The following IRF3 variants were observed in gnomAD, a reference collection of about 807,000 sequenced individuals.
IRF3 encodes interferon regulatory factor 3.
Under a neutral mutation model 43.2 loss-of-function variants are expected in IRF3, and 29 were observed. That is an observed-to-expected ratio of 0.67 (90% CI 0.50 to 0.91). IRF3 has a LOEUF of 0.91. Ranked by LOEUF, IRF3 falls within the 40% of genes least tolerant of loss-of-function variation. The pLI is 0.00. For synonymous variants in IRF3, 228 were observed against 233.9 expected, an observed-to-expected ratio of 0.97 and a Z score of 0.23; for missense variants, 505 against 559.1, an observed-to-expected ratio of 0.90 and a Z score of 0.98.
chr19:49,662,120 C>T lies in IRF3; in HGVS notation c.810G>A (p.Gly270=). Residue 270 remains glycine, a synonymous_variant, in exon 6 of 8, where the codon GGG becomes GGA. Transcript: ENST00000377139. The part of the protein sequence containing the change: ...YVRHVLSCLG[G]GLALWRAGQW... ...GCCCGGCCCGCCAGAGAGCCAGTCC[C>T]CCACCCAGGCAGCTCAGCACATGCC... 6.2e-7 allele frequency: 1 copy of T among 1,613,852 alleles called. No homozygotes were observed. Among genetic ancestry groups the T allele is most frequent in the South Asian group, 1.1e-5 (1 of 91,084 alleles).
rs973508874 is a variant in IRF3, at chr19:49,660,721, T to C, written c.1090A>G (p.Met364Val). The C allele has an allele frequency of 1.3e-6, 2 of 1,599,810 alleles. No individual in the cohort carries two copies. Among genetic ancestry groups the C allele is most frequent in the Non-Finnish European group, 1.7e-6 (2 of 1,173,722 alleles). ...CTCAGGTCTGCAGGCACCTTGACCA[T>C]CACGAGCCTCTTGGTCCACGGCTGG... ...QDQPWTKRLV[M>V]VKVVPTCLRA... The change falls in exon 7 of 8, where the codon ATG (methionine) becomes GTG (valine). Residue 364 changes from methionine (M) to valine (V), a missense_variant. Coordinates refer to ENST00000377139, the MANE Select transcript of IRF3 (RefSeq NM_001571.6).
At position 49,660,008 on chromosome 19, in the gene IRF3, C is replaced by T. The variant is rs886438760; in HGVS notation, c.1099-175G>A. Among the ~76,000 whole-genome samples the T allele has an allele frequency of 2.9e-4, 35 of 121,756 alleles. No individual in the cohort carries two copies. The East Asian group carries it at 6.5e-3, about 23-fold the overall frequency. The allele number at this position is 121,756 out of a possible 152,430, so 79.9% of individuals were successfully genotyped here. A position where few individuals can be genotyped will look rare whatever the true frequency, so the allele number is the denominator to read the frequency against. ...TTACACACACACACACACACACACA[C>T]ACACACACACACACACACACCCCCT... On this transcript the variant is annotated intron_variant, in intron 7 of 7. Transcript: ENST00000377139.
chr19:49,660,028 C>CACACACA lies in IRF3; in HGVS notation c.1099-196_1099-195insTGTGTGT, dbSNP rs1555753000. ...ACACACACACACACACACACACACA[C>CACACACA]CCCCTGCTGTAACTGAACCATAGGC... On this transcript the variant is annotated intron_variant, in intron 7 of 7. Coordinates refer to ENST00000377139, the MANE Select transcript of IRF3 (RefSeq NM_001571.6). 4.2e-3 allele frequency among the ~76,000 whole-genome samples: 456 copies of CACACACA among 109,842 alleles called. 27 individuals carry two copies. The highest frequency in any genetic ancestry group is 0.013 in the Middle Eastern group (3 of 232). The allele number at this position is 109,842 out of a possible 152,430, so 72.1% of individuals were successfully genotyped here.
rs746745231 is a variant in IRF3 at position 49,662,117 on chromosome 19, TC to T, written c.812del (p.Gly271AspfsTer25). 6.2e-7 allele frequency: 1 copy of T among 1,613,682 alleles called. No homozygotes were observed. Among genetic ancestry groups the T allele is most frequent in the Non-Finnish European group, 8.5e-7 (1 of 1,179,746 alleles). On this transcript the variant is annotated frameshift_variant, in exon 6 of 8. Coordinates refer to ENST00000377139, the MANE Select transcript of IRF3 (RefSeq NM_001571.6). LOFTEE classifies it high-confidence loss of function. ...VRHVLSCLGG[G>X]LALWRAGQWL... ...ACTGCCCGGCCCGCCAGAGAGCCAG[TC>T]CCCCACCCAGGCAGCTCAGCACATG...
At position 49,663,312 on chromosome 19, in the gene IRF3, A is replaced by G. The variant is rs200534563; in HGVS notation, c.337+31T>C. 73 of 1,614,126 alleles carry G rather than the reference A, an allele frequency of 4.5e-5. No individual in the cohort carries two copies. The African/African-American group carries it at 8.7e-4, about 19-fold the overall frequency. ...GAGTGCCAGGAACCCTTGGGGCCCC[A>G]GCCTCCCACACGAACCCCAAGCTGG... is the stretch of plus-strand genomic sequence containing the variant. On this transcript the variant is annotated intron_variant, in intron 3 of 7. Transcript: ENST00000377139.
chr19:49,664,525 C>T, intron 2 of IRF3, 149 bp downstream of exon 2: 15 of 1,589,112 alleles, frequency 9.4e-6, no homozygotes, highest in Non-Finnish European at 1.3e-5. Context: ...CCGGCTAGCC[C>T]CGCCCCTCCC....
At chr19:49,665,166 T>C (rs1040396155) in intron 1 of IRF3, 1 of 310,578 alleles carries the variant, frequency 3.2e-6, no homozygotes, top group Non-Finnish European at 6.1e-6. Flanking sequence ...ACTTTCAGGG[T>C]AGCATCCTCT....
At chr19:49,662,881 G>T (rs1004574210) in intron 4 of IRF3, among the ~76,000 whole-genome samples, 1 of 152,226 alleles carries the variant, frequency 6.6e-6, no homozygotes, top group Non-Finnish European at 1.5e-5. Flanking sequence ...TTTCAGAGGG[G>T]ATGCTCCCCC....
chr19:49,662,686 G>A (rs2081393288), intron 4 of IRF3, 69 bp from the exon 5 acceptor site: 1 of 1,296,104 alleles, frequency 7.7e-7, no homozygotes, highest in African/African-American at 1.5e-5. Flanking sequence ...TATGGACCAG[G>A]TCTGTTCTCA....
At position 49,662,584 on chromosome 19, in the gene IRF3, C is replaced by T; in HGVS notation, c.442G>A (p.Val148Met). 1.3e-6 allele frequency: 2 copies of T among 1,528,788 alleles called. No homozygotes were observed. The highest frequency in any genetic ancestry group is 1.8e-6 in the Non-Finnish European group (2 of 1,141,832). 94.7% of individuals were successfully genotyped at this position (1,528,788 alleles called of 1,614,324 possible). A position where few individuals can be genotyped will look rare whatever the true frequency, so the allele number is the denominator to read the frequency against. ...DILDELLGNM[V>M]LAPLPDPGPP... ...CCCGGATCTGGGAGTGGGGCCAACACCATGTTACCCAGTAACTCATCCAGA... is the reference window on the plus strand; with the variant it reads ...CCCGGATCTGGGAGTGGGGCCAACATCATGTTACCCAGTAACTCATCCAGA... The change falls in exon 5 of 8, where the codon GTG becomes ATG. Residue 148 changes from valine to methionine, a missense_variant. Physicochemically the swap from Val to Met is conservative, Grantham distance 21 (BLOSUM62 1). Coordinates refer to ENST00000377139, the MANE Select transcript of IRF3 (RefSeq NM_001571.6).
rs570864337 is a variant in IRF3 at position 49,662,859 on chromosome 19, G to A, written c.409-242C>T. Among the ~76,000 whole-genome samples, 5 of 152,346 alleles carry A rather than the reference G, an allele frequency of 3.3e-5. No homozygotes were observed. In the South Asian group the frequency reaches 1.0e-3, roughly 32 times the overall value. On this transcript the variant is annotated intron_variant, in intron 4 of 7. Coordinates refer to ENST00000377139, the MANE Select transcript of IRF3 (RefSeq NM_001571.6). ...ATGCAGGTAAGACCTGGGCAAAGCAGGCTGGGTAGAATTTCAGAGGGGATG... is the reference window on the plus strand; with the variant it reads ...ATGCAGGTAAGACCTGGGCAAAGCAAGCTGGGTAGAATTTCAGAGGGGATG...
rs1445229409 is a variant in IRF3 at position 49,665,018 on chromosome 19, G to C, written c.-8-172C>G. On this transcript the variant is annotated intron_variant, in intron 1 of 7. Coordinates refer to ENST00000377139, the MANE Select transcript of IRF3 (RefSeq NM_001571.6). ...TCCCATCCTCCCATCCTCCCGAGAG[G>C]CTCTCTAATCAGCTAGGGTTCCTTC... 1.0e-5 allele frequency: 7 copies of C among 682,418 alleles called. No homozygotes were observed. The South Asian group carries it at 1.2e-4, about 12-fold the overall frequency. The allele number at this position is 682,418 out of a possible 1,614,324, so 42.3% of individuals were successfully genotyped here.
chr19:49,659,857 G>A (rs770807440), intron 7 of IRF3, 24 bp from the exon 8 acceptor site: 8 of 1,554,610 alleles, frequency 5.1e-6, no homozygotes, highest in Admixed American at 1.8e-5. Flanking sequence ...GGGGACAGGA[G>A]TCAGGGAAAA....
Position 49,662,000 on chromosome 19 carries a change from C to T in IRF3, c.930G>A (p.Glu310=). The part of the protein sequence containing the change: ...LPNSGHGPDG[E]VPKDKEGGVF... ...CGCCTCCTTCCTTGTCCTTGGGGAC[C>T]TCGCCATCAGGCCCATGCCCGCTGT... The change falls in exon 6 of 8, where the codon GAG becomes GAA. Residue 310 remains glutamate, a synonymous_variant. Transcript: ENST00000377139. 2.5e-6 allele frequency: 4 copies of T among 1,613,860 alleles called. No homozygotes were observed. Among genetic ancestry groups the T allele is most frequent in the Non-Finnish European group, 3.4e-6 (4 of 1,179,844 alleles).
chr19:49,664,173 C>T (rs1248172378), intron 2 of IRF3, among the ~76,000 whole-genome samples: 1 of 152,164 alleles, frequency 6.6e-6, no homozygotes, highest in African/African-American at 2.4e-5. Flanking sequence ...GCCCAAAAAC[C>T]TTTTCTTTCT....
Position 49,660,025 on chromosome 19 carries a change from A to ACACACACACACC in IRF3, c.1099-193_1099-192insGGTGTGTGTGTG, listed in dbSNP as rs1568451939. Reference sequence around the variant, plus strand: ...CACACACACACACACACACACACACACACCCCCTGCTGTAACTGAACCATA... The same window carrying ACACACACACACC: ...CACACACACACACACACACACACACACACACACACACCCACCCCCTGCTGTAACTGAACCATA... On this transcript the variant is annotated intron_variant, in intron 7 of 7. Coordinates refer to ENST00000377139, the MANE Select transcript of IRF3 (RefSeq NM_001571.6). Among the ~76,000 whole-genome samples the ACACACACACACC allele has an allele frequency of 1.4e-3, 153 of 110,240 alleles. 2 individuals are homozygous for ACACACACACACC. The highest frequency in any genetic ancestry group is 7.1e-3 in the African/African-American group (150 of 21,152). The allele number at this position is 110,240 out of a possible 152,430, so 72.3% of individuals were successfully genotyped here.
At position 49,665,645 on chromosome 19, in the gene IRF3, C is replaced by A. The variant is rs187554099; in HGVS notation, c.-23G>T. The A allele has an allele frequency of 1.3e-6, 1 of 751,510 alleles. No individual in the cohort carries two copies. The highest frequency in any genetic ancestry group is 1.8e-5 in the African/African-American group (1 of 57,072). The allele number at this position is 751,510 out of a possible 1,614,324, so 46.6% of individuals were successfully genotyped here. On this transcript the variant is annotated 5_prime_UTR_variant, in exon 1 of 8. Coordinates refer to ENST00000377139, the MANE Select transcript of IRF3 (RefSeq NM_001571.6). ...TTCCGCGTTACCTACGATGGAAGGT[C>A]GGGGCGTGCGGGCAGCTGGAACCCA... is the stretch of plus-strand genomic sequence containing the variant.
At position 49,659,844 on chromosome 19, in the gene IRF3, A is replaced by G. The variant is rs780700703; in HGVS notation, c.1099-11T>C. 6.4e-7 allele frequency: 1 copy of G among 1,569,244 alleles called. No individual in the cohort carries two copies. The highest frequency in any genetic ancestry group is 8.7e-7 in the Non-Finnish European group (1 of 1,153,748). ...GCACGTGGGCACAACCTGCAGGGGAAGTGGGGACAGGAGTCAGGGAAAACA... is the reference window on the plus strand; with the variant it reads ...GCACGTGGGCACAACCTGCAGGGGAGGTGGGGACAGGAGTCAGGGAAAACA... On this transcript the variant is annotated splice_polypyrimidine_tract_variant and intron_variant, in intron 7 of 7. Transcript: ENST00000377139.
chr19:49,665,802 T>G lies in IRF3; in HGVS notation c.-180A>C. The G allele has an allele frequency of 6.3e-7, 1 of 1,576,350 alleles. No individual in the cohort carries two copies. Among genetic ancestry groups the G allele is most frequent in the South Asian group, 1.1e-5 (1 of 89,560 alleles). The stretch of plus-strand genomic sequence containing the variant: ...AAATAAAACCAACTTTATCATTCTT[T>G]GGGTAACAGACCCAAAAGCCGATGG... On this transcript the variant is annotated 5_prime_UTR_variant, in exon 1 of 8. Coordinates refer to ENST00000377139, the MANE Select transcript of IRF3 (RefSeq NM_001571.6).
Sources: gnomAD v4.1 joint callset for allele counts (sites outside exome capture counted in the v4.1 genomes callset) on GRCh38, gnomAD v4.1.1 for gene constraint, MANE v1.5 for transcripts, NCBI Gene and HGNC (gene_info 2026-07-23, HGNC 2026-07-21) for gene names.